The following TRIM24 variants were observed in gnomAD, a reference collection of about 807,000 sequenced individuals.
TRIM24 encodes transcription intermediary factor 1-alpha.
Under a neutral mutation model 123.9 loss-of-function variants are expected in TRIM24, and 29 were observed. The observed-to-expected ratio is 0.23, with a 90% CI of 0.17 to 0.32. The LOEUF (loss-of-function observed/expected upper bound fraction) is 0.32. Ranked by LOEUF, TRIM24 falls within the 10% of genes least tolerant of loss-of-function variation. The pLI is 1.00. For missense variants in TRIM24, 932 were observed against 1,295.3 expected, an observed-to-expected ratio of 0.72 and a Z score of 4.31; for synonymous variants, 456 against 461.1, an observed-to-expected ratio of 0.99 and a Z score of 0.14.
In TRIM24 at chr7:138,509,187, T is replaced by A. The variant is rs1484579346; in HGVS notation, c.483+4779T>A. 2.0e-5 allele frequency among the ~76,000 whole-genome samples: 3 copies of A among 151,696 alleles called. No individual in the cohort carries two copies. In the East Asian group the frequency reaches 5.9e-4, roughly 30 times the overall value. ...TGATCTCAAACTCCTAACCTCAAGTTATCCACCCTCCTCAGCCTCCCGAAG... is the reference window on the plus strand; with the variant it reads ...TGATCTCAAACTCCTAACCTCAAGTAATCCACCCTCCTCAGCCTCCCGAAG... On this transcript the variant is annotated intron_variant, in intron 2 of 18. Coordinates refer to ENST00000343526, the MANE Select transcript of TRIM24 (RefSeq NM_015905.3).
chr7:138,477,646 A>G (rs1795433070), intron 1 of TRIM24, among the ~76,000 whole-genome samples: 1 of 152,196 alleles, frequency 6.6e-6, no homozygotes, highest in Non-Finnish European at 1.5e-5. Context: ...AAAAACTTAT[A>G]TTGCATTCAG....
rs117116429 is a variant in TRIM24 at position 138,570,265 on chromosome 7, G to A, written c.1705-565G>A. Among the ~76,000 whole-genome samples the A allele has an allele frequency of 3.6e-3, 541 of 152,080 alleles. 2 individuals are homozygous for A. The highest frequency in any genetic ancestry group is 5.9e-3 in the Non-Finnish European group (402 of 67,978). On this transcript the variant is annotated intron_variant, in intron 10 of 18. Transcript: ENST00000343526. ...CCCAGCCCATCATGTTTTTCAATAG[G>A]TTTTGAGTAAATTCCAGACAGCAGC...
chr7:138,537,976 G>A (rs1429559664), intron 6 of TRIM24, among the ~76,000 whole-genome samples: 1 of 152,184 alleles, frequency 6.6e-6, no homozygotes, highest in East Asian at 1.9e-4. Context: ...AATAACCCAA[G>A]TTCAGTGTGC....
At chr7:138,513,787 A>C (rs1796338208) in intron 2 of TRIM24, among the ~76,000 whole-genome samples, 1 of 152,036 alleles carries the variant, frequency 6.6e-6, no homozygotes, top group East Asian at 1.9e-4. Context: ...ACACACACAC[A>C]CTTTTCCTGT....
rs1052689115 is a variant in TRIM24, at chr7:138,569,157, G to A, written c.1704+1503G>A. Among the ~76,000 whole-genome samples the A allele has an allele frequency of 5.9e-5, 9 of 152,252 alleles. No individual in the cohort carries two copies. The East Asian group carries it at 7.7e-4, about 13-fold the overall frequency. ...CTCCCTTGCCTCAGCTATAAAATGC[G>A]TATCTTGCAGAGTTATGTTGAGAGT... On this transcript the variant is annotated intron_variant, in intron 10 of 18. Coordinates refer to ENST00000343526, the MANE Select transcript of TRIM24 (RefSeq NM_015905.3).
In TRIM24 at chr7:138,514,890, G is replaced by A. The variant is rs551001779; in HGVS notation, c.484-322G>A. The stretch of plus-strand genomic sequence containing the variant: ...TTTAACCTGCACTATGTACAAGACT[G>A]TAGTTATCATAAGGGCAGCGACCAT... On this transcript the variant is annotated intron_variant, in intron 2 of 18. Transcript: ENST00000343526. The A allele has an allele frequency of 1.3e-4, 28 of 211,850 alleles. No individual in the cohort carries two copies. In the South Asian group the frequency reaches 3.2e-3, roughly 24 times the overall value. 13.1% of individuals were successfully genotyped at this position (211,850 alleles called of 1,614,324 possible). A position where few individuals can be genotyped will look rare whatever the true frequency, so the allele number is the denominator to read the frequency against.
chr7:138,529,322 G>C (rs866257587), intron 6 of TRIM24, 92 bp downstream of exon 6: 29 of 637,728 alleles, frequency 4.5e-5, no homozygotes, highest in Non-Finnish European at 6.8e-5. Context: ...TTATATAGTT[G>C]TTTCATTGTG....
chr7:138,484,937 C>T (rs1795611257), intron 1 of TRIM24, among the ~76,000 whole-genome samples: 1 of 151,934 alleles, frequency 6.6e-6, no homozygotes, highest in Admixed American at 6.6e-5. Context: ...GGAATTTATA[C>T]ATTTTATATA....
rs189873422 is a variant in TRIM24, at chr7:138,508,668, T to C, written c.483+4260T>C. On this transcript the variant is annotated intron_variant, in intron 2 of 18. Coordinates refer to ENST00000343526, the MANE Select transcript of TRIM24 (RefSeq NM_015905.3). ...AGAGGTGACTAATAAGAGGAGTGTG[T>C]GTGTGTGTGTGTGTGTGTGTGTGTG... is the stretch of plus-strand genomic sequence containing the variant. 1.0e-3 allele frequency among the ~76,000 whole-genome samples: 57 copies of C among 54,338 alleles called. No homozygotes were observed. In the East Asian group the frequency reaches 0.019, roughly 18 times the overall value. 35.6% of individuals were successfully genotyped at this position (54,338 alleles called of 152,430 possible). A position where few individuals can be genotyped will look rare whatever the true frequency, so the allele number is the denominator to read the frequency against.
chr7:138,487,219 CAGCTTA>C (rs1183482845), intron 1 of TRIM24, among the ~76,000 whole-genome samples: 1 of 152,184 alleles, frequency 6.6e-6, no homozygotes, highest in African/African-American at 2.4e-5. Context: ...AGTTGCTTAT[CAGCTTA>C]AGGAGATTTT....
chr7:138,513,502 C>T (rs1037510682), intron 2 of TRIM24, among the ~76,000 whole-genome samples: 12 of 152,106 alleles, frequency 7.9e-5, no homozygotes, highest in South Asian at 2.1e-4. Context: ...GCTCAGCTTA[C>T]GATCATGGCA....
intron 9 of TRIM24, 39 bp from the exon 10 acceptor site, chr7:138,567,442 G>T: frequency 6.4e-7 from 1 of 1,563,916 alleles, no homozygotes; most frequent in South Asian, 1.2e-5. Flanking sequence ...TTTTTCAGAA[G>T]AAGATTGTTA....
intron 11 of TRIM24, 59 bp downstream of exon 11, chr7:138,571,062 G>T (rs1458663727): frequency 2.6e-6 from 4 of 1,545,852 alleles, no homozygotes; most frequent in Non-Finnish European, 3.6e-6. Flanking sequence ...GGGTGCAGTG[G>T]CTCACTCCTG....
chr7:138,535,283 T>C (rs1485910045), intron 6 of TRIM24, among the ~76,000 whole-genome samples: 1 of 152,136 alleles, frequency 6.6e-6, no homozygotes, highest in South Asian at 2.1e-4. Context: ...TATTTTGCCC[T>C]TTAGTTGATG....
intron 1 of TRIM24, among the ~76,000 whole-genome samples, chr7:138,494,075 G>A (rs1795852186): frequency 6.6e-6 from 1 of 151,900 alleles, no homozygotes; most frequent in South Asian, 2.1e-4. Flanking sequence ...TCCGCCTCCT[G>A]GGTTCAAGTG....
intron 1 of TRIM24, among the ~76,000 whole-genome samples, chr7:138,496,845 A>G (rs1175807192): frequency 6.6e-6 from 1 of 152,144 alleles, no homozygotes; most frequent in Non-Finnish European, 1.5e-5. Flanking sequence ...AGATGATCAA[A>G]GAAGGCTTTT....
At chr7:138,505,512 T>G (rs556386103) in intron 2 of TRIM24, among the ~76,000 whole-genome samples, 124 of 127,644 alleles carry the variant, frequency 9.7e-4, no homozygotes, top group South Asian at 4.4e-3. Flanking sequence ...GGGTGGTGGT[T>G]GTTGTTGTTG....
chr7:138,498,365 C>T (rs1194663496), intron 1 of TRIM24, among the ~76,000 whole-genome samples: 2 of 151,746 alleles, frequency 1.3e-5, no homozygotes, highest in East Asian at 2.0e-4. Flanking sequence ...GCTGGGATTA[C>T]AGGCGCCTGC....
intron 1 of TRIM24, among the ~76,000 whole-genome samples, chr7:138,500,763 TGTATAA>T (rs1796020649): frequency 6.6e-6 from 1 of 151,930 alleles, no homozygotes; most frequent in South Asian, 2.1e-4. Context: ...GCAATTTTGT[TGTATAA>T]GTATGATAGG....
Sources: gnomAD v4.1 joint callset for allele counts (sites outside exome capture counted in the v4.1 genomes callset) on GRCh38, gnomAD v4.1.1 for gene constraint, MANE v1.5 for transcripts, NCBI Gene and HGNC (gene_info 2026-07-23, HGNC 2026-07-21) for gene names.